The following EXD1 variants were observed in gnomAD, a reference collection of about 807,000 sequenced individuals.
EXD1 encodes piRNA biogenesis protein EXD1.
Under a neutral mutation model 49.1 loss-of-function variants are expected in EXD1, and 63 were observed. That is an observed-to-expected ratio of 1.28 (90% CI 1.05 to 1.58). The LOEUF is 1.58. EXD1 is among the 40% of genes most tolerant of loss of function. The pLI is 0.00. For missense variants in EXD1, 748 were observed against 666.0 expected (o/e 1.12, Z -1.36); for synonymous variants, 234 against 239.2 (o/e 0.98, Z 0.20).
chr15:41,226,097 A>T (rs765446167), intron 2 of EXD1, among the ~76,000 whole-genome samples: 7 of 150,454 alleles, frequency 4.7e-5, no homozygotes, highest in Non-Finnish European at 7.4e-5. Context: ...CTAAAAATAC[A>T]AAAAATTTGC....
Position 41,226,598 on chromosome 15 carries a change from CTT to C in EXD1, c.-25_-24del. On this transcript the variant is annotated 5_prime_UTR_variant, in exon 2 of 12. An upstream open reading frame in the 5' UTR loses its in-frame stop. Coordinates refer to ENST00000458580, the MANE Select transcript of EXD1 (RefSeq NM_001286441.2). ...CATGCTAATTGATTCCAAAAGCCGT[CTT>C]CAAATAATCTTCTTTAAGCATCCAA... 6.5e-7 allele frequency: 1 copy of C among 1,527,784 alleles called. No homozygotes were observed. The highest frequency in any genetic ancestry group is 2.5e-5 in the East Asian group (1 of 40,770). 94.6% of individuals were successfully genotyped at this position (1,527,784 alleles called of 1,614,324 possible).
chr15:41,198,427 A>T (rs1293240355), intron 7 of EXD1, among the ~76,000 whole-genome samples: 1 of 152,150 alleles, frequency 6.6e-6, no homozygotes, highest in African/African-American at 2.4e-5. Context: ...AAGGTGGCTC[A>T]CACCTGTAAT....
intron 6 of EXD1, among the ~76,000 whole-genome samples, chr15:41,212,134 A>G (rs572100076): frequency 6.6e-6 from 1 of 151,788 alleles, no homozygotes; most frequent in Non-Finnish European, 1.5e-5. Context: ...AAAATTACAG[A>G]TAAGTGTTGG....
intron 2 of EXD1, among the ~76,000 whole-genome samples, chr15:41,226,028 G>A (rs541815553): frequency 4.6e-5 from 7 of 152,230 alleles, no homozygotes; most frequent in South Asian, 2.1e-4. Flanking sequence ...CAAGGCAGGC[G>A]GATCACGAGG....
chr15:41,225,541 C>T (rs2047148616), intron 2 of EXD1, among the ~76,000 whole-genome samples: 3 of 148,792 alleles, frequency 2.0e-5, no homozygotes, highest in African/African-American at 4.9e-5. Context: ...GCCAAGATCG[C>T]GCCACTGCAC....
At chr15:41,199,964 C>T (rs1199838782) in intron 7 of EXD1, among the ~76,000 whole-genome samples, 1 of 150,146 alleles carries the variant, frequency 6.7e-6, no homozygotes, top group Non-Finnish European at 1.5e-5. Context: ...AGTACAGTGG[C>T]ACCATATCAG....
chr15:41,199,821 AT>A (rs1478323106), intron 7 of EXD1, among the ~76,000 whole-genome samples: 20 of 5,010 alleles, frequency 4.0e-3, no homozygotes, highest in Non-Finnish European at 6.0e-3. Context: ...TCATATATAG[AT>A]ATATGTCAAT....
intron 11 of EXD1, among the ~76,000 whole-genome samples, chr15:41,184,926 G>T (rs1256995618): frequency 2.0e-5 from 3 of 152,236 alleles, no homozygotes; most frequent in East Asian, 3.9e-4. Flanking sequence ...AAAGTGCTGG[G>T]ATTACAGTCG....
chr15:41,219,483 C>A, intron 3 of EXD1: 1 of 198,576 alleles, frequency 5.0e-6, no homozygotes, highest in Non-Finnish European at 1.0e-5. Context: ...CAGAAAAATT[C>A]TTGATTCTGA....
chr15:41,225,441 C>T (rs1448613836), intron 2 of EXD1, among the ~76,000 whole-genome samples: 3 of 151,660 alleles, frequency 2.0e-5, no homozygotes, highest in Admixed American at 2.0e-4. Context: ...AAAAATTAGC[C>T]AGACTTGGTG....
rs761118111 is a variant in EXD1 at position 41,191,441 on chromosome 15, C to T, written c.864+1G>A. 21 of 1,570,564 alleles carry T rather than the reference C, an allele frequency of 1.3e-5. No individual in the cohort carries two copies. Among genetic ancestry groups the T allele is most frequent in the Non-Finnish European group, 1.8e-5 (21 of 1,148,326 alleles). Reference sequence around the variant, plus strand: ...TCATACAGGACATCCTTTACACCCACCTGAATTAGTTTTTGTCTCTTTTCT... The same window carrying T: ...TCATACAGGACATCCTTTACACCCATCTGAATTAGTTTTTGTCTCTTTTCT... On this transcript the variant is annotated splice_donor_variant, in intron 10 of 11. Transcript: ENST00000458580. LOFTEE classifies it high-confidence loss of function.
At chr15:41,221,314 C>T (rs1158267337) in intron 2 of EXD1, among the ~76,000 whole-genome samples, 1 of 152,174 alleles carries the variant, frequency 6.6e-6, no homozygotes, top group African/African-American at 2.4e-5. Context: ...CTCTGTTGCA[C>T]AGGCTAGAGT....
At chr15:41,225,959 A>T (rs2047157932) in intron 2 of EXD1, among the ~76,000 whole-genome samples, 1 of 152,144 alleles carries the variant, frequency 6.6e-6, no homozygotes, top group South Asian at 2.1e-4. Context: ...TATCAAAAGC[A>T]GGGACACACC....
chr15:41,223,283 G>T (rs185228013), intron 2 of EXD1, among the ~76,000 whole-genome samples: 1 of 152,246 alleles, frequency 6.6e-6, no homozygotes, highest in African/African-American at 2.4e-5. Flanking sequence ...AGCTGGTCTT[G>T]GTGGCACATG....
At position 41,219,799 on chromosome 15, in the gene EXD1, C is replaced by A. The variant is rs1276360167; in HGVS notation, c.202+31G>T. 6 of 1,493,412 alleles carry A rather than the reference C, an allele frequency of 4.0e-6. No homozygotes were observed. In the African/African-American group the frequency reaches 8.3e-5, roughly 21 times the overall value. 92.5% of individuals were successfully genotyped at this position (1,493,412 alleles called of 1,614,324 possible). On this transcript the variant is annotated intron_variant, in intron 3 of 11. Coordinates refer to ENST00000458580, the MANE Select transcript of EXD1 (RefSeq NM_001286441.2). ...CAAATATTGGAATGAAATCTCAGTACTAGCATTTTCAAGGAACATGGGGGT... is the reference window on the plus strand; with the variant it reads ...CAAATATTGGAATGAAATCTCAGTAATAGCATTTTCAAGGAACATGGGGGT...
At chr15:41,198,868 G>A (rs2046660263) in intron 7 of EXD1, among the ~76,000 whole-genome samples, 1 of 151,524 alleles carries the variant, frequency 6.6e-6, no homozygotes, top group South Asian at 2.1e-4. Context: ...ACCACGCCCG[G>A]GTAATTTGTT....
Position 41,230,505 on chromosome 15 carries a change from A to G in EXD1, c.-80T>C, listed in dbSNP as rs766593285. On this transcript the variant is annotated 5_prime_UTR_variant, in exon 1 of 12. It removes an upstream start codon present in the reference 5' UTR. Coordinates refer to ENST00000458580, the MANE Select transcript of EXD1 (RefSeq NM_001286441.2). ...ATAAGCTAGGAATTCACTGTCCTCC[A>G]TCGTTAGGGCTTTTTCCTCCGAAGG... 33 of 1,614,118 alleles carry G rather than the reference A, an allele frequency of 2.0e-5. 2 individuals carry two copies. The South Asian group carries it at 3.6e-4, about 18-fold the overall frequency.
At position 41,189,922 on chromosome 15, in the gene EXD1, G is replaced by C; in HGVS notation, c.1056+15C>G. 1 of 1,610,234 alleles carries C rather than the reference G, an allele frequency of 6.2e-7. No homozygotes were observed. ...AGGCAGAAAGGAGGTCCTGAAGACA[G>C]AGAGCTGCACCTACCTCAGTGCCTC... On this transcript the variant is annotated intron_variant, in intron 11 of 11. Transcript: ENST00000458580.
chr15:41,207,331 C>G (rs1042118222), intron 7 of EXD1, among the ~76,000 whole-genome samples: 1 of 149,698 alleles, frequency 6.7e-6, no homozygotes, highest in South Asian at 2.1e-4. Flanking sequence ...CACCTGAGGT[C>G]GGGAGTTCGA....
Sources: allele counts gnomAD v4.1 joint callset (sites outside exome capture counted in the v4.1 genomes callset), GRCh38; gene constraint gnomAD v4.1.1; transcripts MANE v1.5; gene names NCBI Gene and HGNC (gene_info 2026-07-23, HGNC 2026-07-21).